The following PDCD10 variants were observed in gnomAD, a reference collection of about 807,000 sequenced individuals.
PDCD10 encodes programmed cell death protein 10.
A neutral mutation model predicts 29.2 loss-of-function variants in PDCD10; 4 were observed. The observed-to-expected ratio is 0.14, with a 90% CI of 0.07 to 0.31. PDCD10 has a LOEUF of 0.31. PDCD10 is among the 10% of genes least tolerant of loss of function. The pLI is 1.00. For synonymous variants in PDCD10, 70 were observed against 82.2 expected (o/e 0.85, Z 0.80); for missense variants, 183 against 257.9 (o/e 0.71, Z 1.99).
chr3:167,719,443 A>T (rs1212816529), intron 3 of PDCD10, among the ~76,000 whole-genome samples: 1 of 152,098 alleles, frequency 6.6e-6, no homozygotes, highest in Admixed American at 6.6e-5. Context: ...TACATACCTT[A>T]GCATGTTAAT....
intron 3 of PDCD10, among the ~76,000 whole-genome samples, chr3:167,710,526 A>T (rs1183689453): frequency 1.3e-5 from 2 of 152,218 alleles, no homozygotes; most frequent in African/African-American, 4.8e-5. Flanking sequence ...GTGCCAGCTT[A>T]GCCACAGTAG....
At chr3:167,720,839 T>C (rs942829130) in intron 2 of PDCD10, among the ~76,000 whole-genome samples, 1 of 152,128 alleles carries the variant, frequency 6.6e-6, no homozygotes, top group Non-Finnish European at 1.5e-5. Flanking sequence ...AAAAAAATTC[T>C]ACCAAATGTG....
rs1040675478 is a variant in PDCD10, at chr3:167,694,196, G to A, written c.395+1400C>T. On this transcript the variant is annotated intron_variant, in intron 6 of 8. Transcript: ENST00000392750. ...ATTTACACTTAAAAAATGGAATGCA[G>A]TGGAATTCCCTCCTTAAATGTTTCT... Among the ~76,000 whole-genome samples the A allele has an allele frequency of 1.3e-5, 2 of 152,044 alleles. 1 individual carries two copies. The highest frequency in any genetic ancestry group is 4.2e-4 in the South Asian group (2 of 4,812).
chr3:167,718,343 C>T (rs1016290041), intron 3 of PDCD10, among the ~76,000 whole-genome samples: 1 of 152,030 alleles, frequency 6.6e-6, no homozygotes, highest in African/African-American at 2.4e-5. Flanking sequence ...CTAAACAGAA[C>T]TGAAGCCACT....
At position 167,695,999 on chromosome 3, in the gene PDCD10, A is replaced by C. The variant is rs571512670; in HGVS notation, c.269-277T>G. 8.4e-3 allele frequency among the ~76,000 whole-genome samples: 579 copies of C among 68,566 alleles called. 5 individuals are homozygous for C. Among genetic ancestry groups the C allele is most frequent in the African/African-American group, 0.07 (549 of 7,848 alleles). 45.0% of individuals were successfully genotyped at this position (68,566 alleles called of 152,430 possible). On this transcript the variant is annotated intron_variant, in intron 5 of 8. Coordinates refer to ENST00000392750, the MANE Select transcript of PDCD10 (RefSeq NM_007217.4). ...GAAATCTTAAAAAAAAAAAACACAC[A>C]AAAAAAAAACAGATTTAAAAGGGAG... is the stretch of plus-strand genomic sequence containing the variant.
At chr3:167,725,333 T>C (rs1367464044) in intron 2 of PDCD10, 5 of 148,988 alleles carry the variant, frequency 3.4e-5, no homozygotes, top group East Asian at 2.0e-4. Flanking sequence ...ACAAAGACTG[T>C]ATAGATGGTA....
rs192210187 is a variant in PDCD10 at position 167,723,070 on chromosome 3, T to C, written c.-116-2797A>G. Among the ~76,000 whole-genome samples the C allele has an allele frequency of 3.4e-4, 52 of 152,328 alleles. 1 individual carries two copies. Among genetic ancestry groups the C allele is most frequent in the Admixed American group, 3.3e-3 (51 of 15,302 alleles). On this transcript the variant is annotated intron_variant, in intron 2 of 8. Coordinates refer to ENST00000392750, the MANE Select transcript of PDCD10 (RefSeq NM_007217.4). The stretch of plus-strand genomic sequence containing the variant: ...CCAAAGAACCAATTTAAAACTGAAC[T>C]TTTTAGAACACACATTAACAACTGG...
At chr3:167,718,213 T>C (rs1723202156) in intron 3 of PDCD10, among the ~76,000 whole-genome samples, 1 of 152,162 alleles carries the variant, frequency 6.6e-6, no homozygotes, top group South Asian at 2.1e-4. Context: ...AAAAATTTAC[T>C]TGCTTAAATA....
At chr3:167,729,627 T>A (rs533713267) in intron 2 of PDCD10, among the ~76,000 whole-genome samples, 3 of 152,244 alleles carry the variant, frequency 2.0e-5, no homozygotes, top group Non-Finnish European at 4.4e-5. Flanking sequence ...TAAGAGATCC[T>A]GTAAAATGCT....
chr3:167,725,794 TA>T (rs1724091467), intron 2 of PDCD10, among the ~76,000 whole-genome samples: 1 of 122,880 alleles, frequency 8.1e-6, no homozygotes, highest in Non-Finnish European at 1.7e-5. Flanking sequence ...TATATATATA[TA>T]TATATATATA....
At chr3:167,687,377 CAAAGGCAAG>C in intron 7 of PDCD10, 61 bp from the exon 8 acceptor site, 1 of 1,038,806 alleles carries the variant, frequency 9.6e-7, no homozygotes, top group South Asian at 1.3e-5. Flanking sequence ...TCACAAAAGC[CAAAGGCAAG>C]GACAAGAGAT....
intron 4 of PDCD10, among the ~76,000 whole-genome samples, chr3:167,701,478 G>C (rs543174412): frequency 6.6e-6 from 1 of 152,118 alleles, no homozygotes; most frequent in African/African-American, 2.4e-5. Context: ...ACAAGGCATG[G>C]GCCTCCGCAC....
chr3:167,719,917 T>C (rs1723405182), intron 3 of PDCD10, 145 bp downstream of exon 3: 3 of 687,904 alleles, frequency 4.4e-6, no homozygotes, highest in Admixed American at 4.1e-5. Context: ...GTTTTCACTA[T>C]TTTTTGCCCT....
At chr3:167,706,009 A>T (rs114687918) in intron 3 of PDCD10, among the ~76,000 whole-genome samples, 1,996 of 152,170 alleles carry the variant, frequency 0.013, 39 homozygotes, top group African/African-American at 0.046. Flanking sequence ...TTTACACCAC[A>T]CTCTGACCTC....
chr3:167,705,908 A>C (rs1305423604), intron 3 of PDCD10, among the ~76,000 whole-genome samples: 3 of 152,244 alleles, frequency 2.0e-5, no homozygotes, highest in Non-Finnish European at 4.4e-5. Context: ...ATAGCTCATT[A>C]GATCTCAAGT....
At chr3:167,725,043 G>A (rs1723953066) in intron 2 of PDCD10, among the ~76,000 whole-genome samples, 1 of 152,092 alleles carries the variant, frequency 6.6e-6, no homozygotes, top group South Asian at 2.1e-4. Flanking sequence ...GATCACTTGA[G>A]GTCAGGAGTT....
intron 4 of PDCD10, chr3:167,698,104 TAC>T (rs1197057472): frequency 7.6e-6 from 3 of 394,002 alleles, no homozygotes; most frequent in Non-Finnish European, 1.5e-5. Context: ...TCACTGCAGA[TAC>T]AGTTTTCTTC....
intron 2 of PDCD10, among the ~76,000 whole-genome samples, chr3:167,728,515 G>A (rs1166614494): frequency 6.6e-6 from 1 of 152,306 alleles, no homozygotes; most frequent in Non-Finnish European, 1.5e-5. Context: ...ACCCATTTCA[G>A]TGCCAGGGAC....
At chr3:167,729,219 G>C (rs562848999) in intron 2 of PDCD10, among the ~76,000 whole-genome samples, 8 of 152,032 alleles carry the variant, frequency 5.3e-5, no homozygotes, top group South Asian at 2.1e-4. Context: ...CACTTCACCT[G>C]GTACTCAAAA....
Sources: gnomAD v4.1 joint callset for allele counts (sites outside exome capture counted in the v4.1 genomes callset) on GRCh38, gnomAD v4.1.1 for gene constraint, MANE v1.5 for transcripts, NCBI Gene and HGNC (gene_info 2026-07-23, HGNC 2026-07-21) for gene names.